IDE: variants seen among roughly 807,000 people sequenced by gnomAD.
IDE encodes insulin degrading enzyme.
IDE carries 58 observed loss-of-function variants against 133.2 expected under a neutral mutation model. The ratio of observed to expected loss-of-function variants is 0.44; its 90% CI spans 0.35 to 0.54. IDE has a LOEUF of 0.54. IDE is among the 20% of genes least tolerant of loss of function. IDE has a pLI of 0.00. For missense variants in IDE, 981 were observed against 1,234.0 expected (o/e 0.79, Z 3.07); for synonymous variants, 396 against 421.3 (o/e 0.94, Z 0.73).
chr10:92,463,704 A>T, intron 21 of IDE, 27 bp downstream of exon 21: 1 of 1,597,948 alleles, frequency 6.3e-7, no homozygotes, highest in Non-Finnish European at 8.6e-7. Context: ...GAATGCCATA[A>T]ATGTTGGAGC....
chr10:92,455,375 C>T (rs1164809123), intron 24 of IDE, among the ~76,000 whole-genome samples: 1 of 152,098 alleles, frequency 6.6e-6, no homozygotes, highest in African/African-American at 2.4e-5. Flanking sequence ...ACTCAAGAGG[C>T]TGAGGCAGGA....
chr10:92,514,921 T>C lies in IDE; in HGVS notation c.783A>G (p.Arg261=). The change falls in exon 5 of 25, where the codon CGA becomes CGG. Residue 261 remains arginine (R), a splice_region_variant and synonymous_variant. Transcript: ENST00000265986. The part of the protein sequence containing the change: ...SNLMAVCVLG[R]ESLDDLTNLV... ...ATAAAAAATTGTAAGGGTTCTTACC[T>C]CGACCTAAAACACAAACAGCCATTA... 6.2e-7 allele frequency: 1 copy of C among 1,610,212 alleles called. No homozygotes were observed.
At chr10:92,516,368 C>T (rs527536648) in intron 4 of IDE, among the ~76,000 whole-genome samples, 2 of 151,384 alleles carry the variant, frequency 1.3e-5, no homozygotes, top group South Asian at 4.2e-4. Context: ...GTGGTGGGCA[C>T]CTGTAGTCTC....
chr10:92,570,169 T>A (rs574710175), intron 1 of IDE, among the ~76,000 whole-genome samples: 1 of 152,140 alleles, frequency 6.6e-6, no homozygotes, highest in South Asian at 2.1e-4. Flanking sequence ...TTGAGAAGAA[T>A]AAAATAATTT....
At chr10:92,555,793 C>T (rs184225129) in intron 1 of IDE, among the ~76,000 whole-genome samples, 2 of 152,350 alleles carry the variant, frequency 1.3e-5, no homozygotes, top group African/African-American at 2.4e-5. Flanking sequence ...AGGATTTCCA[C>T]TCTTGCCACT....
At chr10:92,487,993 C>T (rs1847105817) in intron 12 of IDE, among the ~76,000 whole-genome samples, 1 of 152,036 alleles carries the variant, frequency 6.6e-6, no homozygotes, top group Admixed American at 6.6e-5. Context: ...GATTGGGTTT[C>T]ACTGTTGCCC....
intron 1 of IDE, among the ~76,000 whole-genome samples, chr10:92,573,419 C>A (rs1177539348): frequency 6.6e-6 from 1 of 152,180 alleles, no homozygotes; most frequent in Admixed American, 6.5e-5. Context: ...TTTTTCCCAG[C>A]GCGGGCATTC....
intron 1 of IDE, 84 bp downstream of exon 1, chr10:92,573,838 G>T: frequency 2.1e-6 from 2 of 959,346 alleles, no homozygotes; most frequent in Non-Finnish European, 2.9e-6. Context: ...GCGGCTTTAA[G>T]TGCTGAATCA....
At chr10:92,515,194 AACAGGATAATAGAGT>A in intron 4 of IDE, 152 bp from the exon 5 acceptor site, 1 of 627,352 alleles carries the variant, frequency 1.6e-6, no homozygotes, top group Non-Finnish European at 2.8e-6. Flanking sequence ...TAAGTGAATA[AACAGGATAATAGAGT>A]ACAAACCAGC....
At position 92,454,249 on chromosome 10, in the gene IDE, A is replaced by G. The variant is rs1844871919; in HGVS notation, c.*195T>C. Reference sequence around the variant, plus strand: ...TAAAATATTTAAGAGGCATGTATTTAAAAAATATTCTACATCTATAAGATT... The same window carrying G: ...TAAAATATTTAAGAGGCATGTATTTGAAAAATATTCTACATCTATAAGATT... On this transcript the variant is annotated 3_prime_UTR_variant, in exon 25 of 25. Coordinates refer to ENST00000265986, the MANE Select transcript of IDE (RefSeq NM_004969.4). The G allele has an allele frequency of 2.2e-6, 1 of 452,994 alleles. No individual in the cohort carries two copies. Among genetic ancestry groups the G allele is most frequent in the Non-Finnish European group, 3.9e-6 (1 of 253,538 alleles). The allele number at this position is 452,994 out of a possible 1,614,324, so 28.1% of individuals were successfully genotyped here.
intron 1 of IDE, among the ~76,000 whole-genome samples, chr10:92,542,524 G>A (rs1318542146): frequency 2.0e-5 from 3 of 151,918 alleles, no homozygotes; most frequent in African/African-American, 4.8e-5. Flanking sequence ...ACTCCTGGGC[G>A]CAAGAGACTG....
At chr10:92,518,465 G>T (rs1849043865) in intron 4 of IDE, among the ~76,000 whole-genome samples, 1 of 152,200 alleles carries the variant, frequency 6.6e-6, no homozygotes, top group Non-Finnish European at 1.5e-5. Flanking sequence ...AGTATGCAGA[G>T]AATGAGAACT....
chr10:92,512,765 C>G (rs2135559481), intron 5 of IDE, among the ~76,000 whole-genome samples: 1 of 152,128 alleles, frequency 6.6e-6, no homozygotes, highest in South Asian at 2.1e-4. Context: ...TATTTTCTAA[C>G]TATAAAAGTA....
intron 1 of IDE, chr10:92,573,091 G>C: frequency 1.0e-6 from 1 of 985,440 alleles, no homozygotes; most frequent in Non-Finnish European, 1.2e-6. Flanking sequence ...GGGAGGGCAA[G>C]ATAATACTGC....
intron 1 of IDE, among the ~76,000 whole-genome samples, chr10:92,548,481 TA>T (rs1842633897): frequency 6.6e-6 from 1 of 151,142 alleles, no homozygotes. Context: ...GTTTCTCCTG[TA>T]AAATATGTTT....
chr10:92,534,519 A>G (rs2135685593), intron 3 of IDE, 59 bp downstream of exon 3: 2 of 904,366 alleles, frequency 2.2e-6, no homozygotes, highest in Non-Finnish European at 1.7e-6. Flanking sequence ...AATAATAATT[A>G]TTATTATTAA....
intron 1 of IDE, among the ~76,000 whole-genome samples, chr10:92,558,130 G>A (rs537902280): frequency 6.4e-4 from 98 of 152,236 alleles, no homozygotes; most frequent in Admixed American, 1.4e-3. Flanking sequence ...TCAGCTCACC[G>A]CAACGTCCAC....
intron 17 of IDE, among the ~76,000 whole-genome samples, chr10:92,472,975 C>T (rs1802179651): frequency 7.3e-6 from 1 of 136,448 alleles, no homozygotes. Flanking sequence ...AAGAGTCTCA[C>T]TCTGTCGCCC....
At chr10:92,564,475 C>G (rs1564684960) in intron 1 of IDE, among the ~76,000 whole-genome samples, 1 of 151,574 alleles carries the variant, frequency 6.6e-6, no homozygotes. Context: ...AGTTGGAGAC[C>G]AGCCTGGCCA....
Sources: gnomAD v4.1 joint callset for allele counts (sites outside exome capture counted in the v4.1 genomes callset) on GRCh38, gnomAD v4.1.1 for gene constraint, MANE v1.5 for transcripts, NCBI Gene and HGNC (gene_info 2026-07-23, HGNC 2026-07-21) for gene names.